The following COL22A1 variants were observed in gnomAD, a reference collection of about 807,000 sequenced individuals.
The protein encoded by COL22A1 is collagen alpha-1(XXII) chain.
In COL22A1, 221 loss-of-function variants were observed where a neutral mutation model predicts 248.9. The observed-to-expected ratio is 0.89, with a 90% confidence interval of 0.80 to 0.99. COL22A1 has a LOEUF of 0.99. Ranked by LOEUF, COL22A1 falls within the 50% of genes least tolerant of loss-of-function variation. The pLI is 0.00. For missense variants in COL22A1, 2,240 were observed against 2,179.0 expected (o/e 1.03, Z -0.56); for synonymous variants, 891 against 793.4 (o/e 1.12, Z -2.07).
chr8:138,815,530 C>T (rs1389487543), intron 7 of COL22A1, among the ~76,000 whole-genome samples: 3 of 152,208 alleles, frequency 2.0e-5, no homozygotes, highest in East Asian at 3.9e-4. Context: ...CCTGCTCCTG[C>T]GCTGGCTCCT....
Position 138,874,779 on chromosome 8 carries a change from C to T in COL22A1, c.658+2971G>A, listed in dbSNP as rs554605647. Among the ~76,000 whole-genome samples the T allele has an allele frequency of 6.6e-5, 10 of 152,352 alleles. No homozygotes were observed. In the East Asian group the frequency reaches 1.4e-3, roughly 21 times the overall value. On this transcript the variant is annotated intron_variant, in intron 3 of 64. Transcript: ENST00000303045. Reference sequence around the variant, plus strand: ...CGGGGTCAGGCTAGTGGAAGAACAGCCATGCAAGAGCAGATACGGGGCAGG... The same window carrying T: ...CGGGGTCAGGCTAGTGGAAGAACAGTCATGCAAGAGCAGATACGGGGCAGG...
At chr8:138,669,043 T>C (rs1195427803) in intron 41 of COL22A1, among the ~76,000 whole-genome samples, 3 of 152,116 alleles carry the variant, frequency 2.0e-5, no homozygotes, top group Non-Finnish European at 4.4e-5. Context: ...CCTCCAGGAA[T>C]GCCCCAGGGA....
intron 12 of COL22A1, among the ~76,000 whole-genome samples, chr8:138,785,488 C>T (rs559974220): frequency 1.3e-5 from 2 of 152,344 alleles, no homozygotes; most frequent in South Asian, 2.1e-4. Context: ...CTAGATAGTG[C>T]CTCCCTCCAG....
chr8:138,863,825 C>T (rs1341523129), intron 3 of COL22A1, among the ~76,000 whole-genome samples: 2 of 152,204 alleles, frequency 1.3e-5, no homozygotes, highest in African/African-American at 4.8e-5. Flanking sequence ...CTCACTGAAT[C>T]TTTGCAATGT....
At chr8:138,660,261 C>G (rs1294806930) in intron 44 of COL22A1, among the ~76,000 whole-genome samples, 175 bp downstream of exon 44, 4 of 152,236 alleles carry the variant, frequency 2.6e-5, no homozygotes, top group African/African-American at 9.6e-5. Flanking sequence ...GTGGTAACGA[C>G]TTCCCACTGT....
At chr8:138,725,534 G>A in intron 23 of COL22A1, 94 bp from the exon 24 acceptor site, 1 of 955,826 alleles carries the variant, frequency 1.0e-6, no homozygotes, top group Non-Finnish European at 1.6e-6. Context: ...GAAGGGGACA[G>A]GAGGATGAGG....
intron 55 of COL22A1, 32 bp downstream of exon 55, chr8:138,615,969 A>C: frequency 6.3e-7 from 1 of 1,581,488 alleles, no homozygotes. Flanking sequence ...CCCCAGCCCC[A>C]GCCCAGCCAG....
At chr8:138,673,801 C>T (rs1382008765) in intron 41 of COL22A1, among the ~76,000 whole-genome samples, 1 of 152,088 alleles carries the variant, frequency 6.6e-6, no homozygotes, top group Non-Finnish European at 1.5e-5. Flanking sequence ...ATGCACCTGC[C>T]CAGGGCTTTC....
At chr8:138,842,712 G>C (rs1435517096) in intron 4 of COL22A1, among the ~76,000 whole-genome samples, 1 of 152,196 alleles carries the variant, frequency 6.6e-6, no homozygotes, top group Non-Finnish European at 1.5e-5. Flanking sequence ...CAATAGCTCA[G>C]ATATAAATAC....
At chr8:138,753,236 G>A (rs1411524251) in intron 21 of COL22A1, among the ~76,000 whole-genome samples, 2 of 152,202 alleles carry the variant, frequency 1.3e-5, no homozygotes, top group Non-Finnish European at 2.9e-5. Context: ...AGCTCTACAA[G>A]CGTGTGTTAA....
intron 3 of COL22A1, among the ~76,000 whole-genome samples, chr8:138,853,414 G>A (rs1821782362): frequency 6.6e-6 from 1 of 152,146 alleles, no homozygotes; most frequent in South Asian, 2.1e-4. Flanking sequence ...GAGCTGTCTT[G>A]GGAAGTTTCA....
chr8:138,704,723 C>A (rs541974295), intron 30 of COL22A1, among the ~76,000 whole-genome samples: 1 of 152,334 alleles, frequency 6.6e-6, no homozygotes, highest in East Asian at 1.9e-4. Context: ...GCCTCGCCTC[C>A]TCCAAAGGAA....
chr8:138,691,702 G>T lies in COL22A1; in HGVS notation c.2755-828C>A, dbSNP rs972512809. On this transcript the variant is annotated intron_variant, in intron 35 of 64. Transcript: ENST00000303045. Reference sequence around the variant, plus strand: ...GTGTACAGTGCATGTGTGCATATTTGTGGAGGTGTGTTTATGTGTGTACAT... The same window carrying T: ...GTGTACAGTGCATGTGTGCATATTTTTGGAGGTGTGTTTATGTGTGTACAT... 1.2e-4 allele frequency among the ~76,000 whole-genome samples: 5 copies of T among 43,074 alleles called. 1 individual carries two copies. Among genetic ancestry groups the T allele is most frequent in the Admixed American group, 6.2e-4 (2 of 3,240 alleles). 28.3% of individuals were successfully genotyped at this position (43,074 alleles called of 152,430 possible). A position where few individuals can be genotyped will look rare whatever the true frequency, so the allele number is the denominator to read the frequency against.
At chr8:138,819,118 T>A (rs1818900176) in intron 7 of COL22A1, among the ~76,000 whole-genome samples, 1 of 152,194 alleles carries the variant, frequency 6.6e-6, no homozygotes, top group African/African-American at 2.4e-5. Context: ...TTTTTGATGA[T>A]TTATCATTCT....
chr8:138,747,523 G>A lies in COL22A1; in HGVS notation c.2085+3935C>T, dbSNP rs921060393. ...CTGGGCTCCACCACTCCACACCTGC[G>A]CCTGCCCCAGGACCTCTGCCTGTCA... On this transcript the variant is annotated intron_variant, in intron 22 of 64. Coordinates refer to ENST00000303045, the MANE Select transcript of COL22A1 (RefSeq NM_152888.3). Among the ~76,000 whole-genome samples the A allele has an allele frequency of 3.9e-5, 6 of 152,184 alleles. No individual in the cohort carries two copies. In the East Asian group the frequency reaches 5.8e-4, roughly 15 times the overall value.
rs188100585 is a variant in COL22A1 at position 138,833,688 on chromosome 8, G to A, written c.734-538C>T. Among the ~76,000 whole-genome samples the A allele has an allele frequency of 2.0e-5, 3 of 152,310 alleles. No individual in the cohort carries two copies. The East Asian group carries it at 5.8e-4, about 29-fold the overall frequency. Reference sequence around the variant, plus strand: ...GTACTGCATTATTTGAAATGATTTTGTTTTGTTTTGCTTTGTTTTTCCTTA... The same window carrying A: ...GTACTGCATTATTTGAAATGATTTTATTTTGTTTTGCTTTGTTTTTCCTTA... On this transcript the variant is annotated intron_variant, in intron 4 of 64. Coordinates refer to ENST00000303045, the MANE Select transcript of COL22A1 (RefSeq NM_152888.3).
Position 138,669,419 on chromosome 8 carries a change from T to C in COL22A1, c.3151-5679A>G, listed in dbSNP as rs925209376. Among the ~76,000 whole-genome samples the C allele has an allele frequency of 3.9e-5, 6 of 152,314 alleles. No homozygotes were observed. In the South Asian group the frequency reaches 1.2e-3, roughly 32 times the overall value. On this transcript the variant is annotated intron_variant, in intron 41 of 64. Transcript: ENST00000303045. Reference sequence around the variant, plus strand: ...CATGTCCGGTACCAAGAAGCCTTTCTTGTGCTGGCTTTAACTGTGCAGAAC... The same window carrying C: ...CATGTCCGGTACCAAGAAGCCTTTCCTGTGCTGGCTTTAACTGTGCAGAAC...
At chr8:138,705,896 G>C (rs962681780) in intron 30 of COL22A1, among the ~76,000 whole-genome samples, 2 of 152,180 alleles carry the variant, frequency 1.3e-5, no homozygotes, top group African/African-American at 4.8e-5. Flanking sequence ...CATCTCACAT[G>C]CAGAGACACA....
Position 138,715,617 on chromosome 8 carries a change from C to G in COL22A1, c.2517+65G>C, listed in dbSNP as rs960332474. The G allele has an allele frequency of 1.4e-5, 12 of 836,576 alleles. No homozygotes were observed. The Admixed American group carries it at 1.8e-4, about 13-fold the overall frequency. The allele number at this position is 836,576 out of a possible 1,614,324, so 51.8% of individuals were successfully genotyped here. A position where few individuals can be genotyped will look rare whatever the true frequency, so the allele number is the denominator to read the frequency against. ...AGATAGAGTATATTCTGCAGAAAAT[C>G]TCTTCCTTTAGAAAAACCCAACTAA... On this transcript the variant is annotated intron_variant, in intron 30 of 64. Coordinates refer to ENST00000303045, the MANE Select transcript of COL22A1 (RefSeq NM_152888.3).
Sources: gnomAD v4.1 joint callset for allele counts (sites outside exome capture counted in the v4.1 genomes callset) on GRCh38, gnomAD v4.1.1 for gene constraint, MANE v1.5 for transcripts, NCBI Gene and HGNC (gene_info 2026-07-23, HGNC 2026-07-21) for gene names.